Variants in DMXL1 observed in about 807,000 individuals in gnomAD.
The protein encoded by DMXL1 is dmX-like protein 1.
A neutral mutation model predicts 319.2 loss-of-function variants in DMXL1; 99 were observed. That is an observed-to-expected ratio of 0.31 (90% CI 0.26 to 0.37). DMXL1 has a LOEUF of 0.37. Among genes scored for constraint, DMXL1 ranks in the 10% least tolerant of loss-of-function variants. The pLI, the probability that DMXL1 is intolerant of heterozygous loss-of-function variation, is 1.00. For missense variants in DMXL1, 3,745 were observed against 3,595.6 expected, an observed-to-expected ratio of 1.04 and a Z score of -1.06; for synonymous variants, 1,385 against 1,235.2, an observed-to-expected ratio of 1.12 and a Z score of -2.54.
At chr5:119,136,848 G>C (rs1252674971) in intron 13 of DMXL1, among the ~76,000 whole-genome samples, 1 of 152,260 alleles carries the variant, frequency 6.6e-6, no homozygotes, top group Non-Finnish European at 1.5e-5. Flanking sequence ...TTCAGGCAGA[G>C]GTCTGCGGCA....
chr5:119,125,710 G>A (rs1389691950), intron 9 of DMXL1, among the ~76,000 whole-genome samples: 5 of 151,770 alleles, frequency 3.3e-5, no homozygotes, highest in African/African-American at 1.2e-4. Context: ...GACTACAGAC[G>A]CCCGCCACCA....
At chr5:119,146,790 T>C in intron 15 of DMXL1, 47 bp from the exon 16 acceptor site, 1 of 1,498,806 alleles carries the variant, frequency 6.7e-7, no homozygotes. Context: ...TAGCAAGTTG[T>C]CTCTTTTACA....
chr5:119,071,044 CTGCCCCGAGCGAAG>C (rs1378269687), upstream of DMXL1, among the ~76,000 whole-genome samples: 1 of 152,210 alleles, frequency 6.6e-6, no homozygotes, highest in Non-Finnish European at 1.5e-5. Context: ...ACAGTAGCAG[CTGCCCCGAGCGAAG>C]TCTCGCGATA....
chr5:119,140,574 C>A (rs923390435), intron 13 of DMXL1, among the ~76,000 whole-genome samples: 1 of 152,178 alleles, frequency 6.6e-6, no homozygotes. Context: ...AATTGATTCC[C>A]TAAACAGACT....
At chr5:119,151,816 T>G (rs1769861940) in intron 18 of DMXL1, 113 bp from the exon 19 acceptor site, 2 of 548,278 alleles carry the variant, frequency 3.6e-6, no homozygotes, top group Non-Finnish European at 3.2e-6. Flanking sequence ...GAAAATATTT[T>G]ACACTGATAA....
chr5:119,081,610 T>C (rs1752205905), intron 1 of DMXL1: 1 of 985,274 alleles, frequency 1.0e-6, no homozygotes, highest in African/African-American at 1.7e-5. Flanking sequence ...ATGCAAGAAG[T>C]GTAGATGAGA....
At chr5:119,233,513 G>T in intron 39 of DMXL1, 46 bp downstream of exon 39, 1 of 1,550,920 alleles carries the variant, frequency 6.4e-7, no homozygotes, top group Non-Finnish European at 8.8e-7. Context: ...TGTGTTGGAG[G>T]TTTATAAATT....
chr5:119,206,843 G>A lies in DMXL1; in HGVS notation c.7873G>A (p.Asp2625Asn). The A allele has an allele frequency of 6.6e-7, 1 of 1,524,416 alleles. No homozygotes were observed. Among genetic ancestry groups the A allele is most frequent in the South Asian group, 1.2e-5 (1 of 83,028 alleles). The allele number at this position is 1,524,416 out of a possible 1,614,324, so 94.4% of individuals were successfully genotyped here. A position where few individuals can be genotyped will look rare whatever the true frequency, so the allele number is the denominator to read the frequency against. Reference protein sequence around the residue: ...KKRCLNESLEDNSETIKNSMM... With the variant: ...KKRCLNESLENNSETIKNSMM... ...TTCTTTCTTGATGAAGTCATTAGAG[G>A]ACAACAGTGAAACCATCAAAAATTC... Residue 2625 changes from aspartate to asparagine, a missense_variant, in exon 34 of 44, where the codon GAC (aspartate) becomes AAC (asparagine). Asp to Asn is a conservative substitution (Grantham distance 23, BLOSUM62 1). This residue lies in a region of DMXL1 where 1,382 missense variants were observed against 1,269.5 expected (regional missense o/e 1.09). Transcript: ENST00000539542.
chr5:119,110,418 T>A (rs1239937296), intron 5 of DMXL1, 135 bp downstream of exon 5: 2 of 723,446 alleles, frequency 2.8e-6, no homozygotes, highest in Non-Finnish European at 4.2e-6. Context: ...CTTTTTCTTA[T>A]ACACAGATAA....
intron 14 of DMXL1, among the ~76,000 whole-genome samples, chr5:119,144,245 G>T (rs1195431801): frequency 6.6e-6 from 1 of 151,674 alleles, no homozygotes; most frequent in African/African-American, 2.4e-5. Context: ...CATGGTTATT[G>T]AAAATCACTG....
Position 119,098,038 on chromosome 5 carries a change from A to C in DMXL1, c.147A>C (p.Ile49=), listed in dbSNP as rs144982730. The C allele has an allele frequency of 7.5e-5, 120 of 1,609,656 alleles. No individual in the cohort carries two copies. The African/African-American group carries it at 1.4e-3, about 18-fold the overall frequency. The change falls in exon 2 of 44, where the codon ATA becomes ATC. Residue 49 remains isoleucine (I), a synonymous_variant. Transcript: ENST00000539542. ...GAAGCGATTTTGAAAGATTACAGAT[A>C]ATCCCAGGAGCTAAACATGGAAATA... ...ILGSDFERLQ[I]IPGAKHGNIQ...
At chr5:119,074,565 T>A (rs987084295) in intron 1 of DMXL1, among the ~76,000 whole-genome samples, 1 of 152,246 alleles carries the variant, frequency 6.6e-6, no homozygotes. Flanking sequence ...ACTTCTCCTA[T>A]TTTCTAGATT....
intron 10 of DMXL1, among the ~76,000 whole-genome samples, chr5:119,132,320 A>G (rs1029736934): frequency 6.6e-6 from 1 of 152,166 alleles, no homozygotes; most frequent in Non-Finnish European, 1.5e-5. Context: ...TCATCTATAG[A>G]TTGCTGGATT....
intron 13 of DMXL1, among the ~76,000 whole-genome samples, chr5:119,140,663 A>G (rs1400978644): frequency 1.3e-5 from 2 of 152,120 alleles, no homozygotes. Context: ...TCATAGCTGA[A>G]TTACACCAGA....
At chr5:119,121,373 A>G in intron 9 of DMXL1, among the ~76,000 whole-genome samples, 1 of 151,970 alleles carries the variant, frequency 6.6e-6, no homozygotes, top group South Asian at 2.1e-4. Flanking sequence ...AGGGAAGGTC[A>G]GCAGATCAAC....
At chr5:119,213,494 A>G (rs1321865874) in intron 34 of DMXL1, among the ~76,000 whole-genome samples, 1 of 152,208 alleles carries the variant, frequency 6.6e-6, no homozygotes, top group Non-Finnish European at 1.5e-5. Context: ...TCTCATTAGC[A>G]TGAGCAAATA....
At chr5:119,155,826 CAAAAA>C (rs35851317) in intron 19 of DMXL1, among the ~76,000 whole-genome samples, 1 of 84,842 alleles carries the variant, frequency 1.2e-5, no homozygotes. Flanking sequence ...GACCCTGTCT[CAAAAA>C]AAAAAAAAAA....
At chr5:119,152,404 A>C (rs1395076147) in intron 19 of DMXL1, among the ~76,000 whole-genome samples, 1 of 152,186 alleles carries the variant, frequency 6.6e-6, no homozygotes, top group African/African-American at 2.4e-5. Context: ...AACATTGAAT[A>C]ACATTTGTGT....
intron 9 of DMXL1, among the ~76,000 whole-genome samples, chr5:119,121,465 T>G (rs903849059): frequency 6.6e-6 from 1 of 151,806 alleles, no homozygotes; most frequent in Admixed American, 6.6e-5. Flanking sequence ...TACTTGAGAT[T>G]AGGGAGTGGT....
Sources: allele counts gnomAD v4.1 joint callset (sites outside exome capture counted in the v4.1 genomes callset), GRCh38; gene constraint gnomAD v4.1.1; regional missense constraint gnomAD v4.1.1; transcripts MANE v1.5; gene names NCBI Gene and HGNC (gene_info 2026-07-23, HGNC 2026-07-21).